TSPAN3: variants seen among roughly 807,000 people sequenced by gnomAD.
TSPAN3 encodes the protein tetraspanin-3.
TSPAN3 carries 9 observed loss-of-function variants against 31.1 expected under a neutral mutation model. The observed-to-expected ratio is 0.29, with a 90% confidence interval of 0.17 to 0.50. TSPAN3 has a LOEUF of 0.50. TSPAN3 is among the 20% of genes least tolerant of loss of function. The probability of loss-of-function intolerance (pLI) is 0.98; values close to 1 mark genes in which losing one functional copy is unlikely to be tolerated. For synonymous variants in TSPAN3, 129 were observed against 114.3 expected (o/e 1.13, Z -0.82); for missense variants, 252 against 313.5 (o/e 0.80, Z 1.48).
intron 4 of TSPAN3, among the ~76,000 whole-genome samples, chr15:77,053,450 T>C (rs1401728302): frequency 6.4e-5 from 1 of 15,512 alleles, no homozygotes; most frequent in Non-Finnish European, 1.1e-4. Flanking sequence ...TTTCGCCATC[T>C]CAAAAAAAAA....
intron 1 of TSPAN3, among the ~76,000 whole-genome samples, chr15:77,070,592 A>AG (rs1432030650): frequency 2.8e-5 from 4 of 144,570 alleles, no homozygotes; most frequent in Non-Finnish European, 6.2e-5. Context: ...CGGGGGGGGG[A>AG]GACTGGGGCG....
intron 1 of TSPAN3, among the ~76,000 whole-genome samples, chr15:77,056,876 T>C (rs960430890): frequency 2.6e-5 from 4 of 152,144 alleles, no homozygotes; most frequent in African/African-American, 9.7e-5. Flanking sequence ...TTCTCAAACT[T>C]TGAAGTGAAT....
rs1294267970 is a variant in TSPAN3, at chr15:77,068,783, T to C, written c.63+2109A>G. Among the ~76,000 whole-genome samples, 8 of 152,244 alleles carry C rather than the reference T, an allele frequency of 5.3e-5. No homozygotes were observed. In the South Asian group the frequency reaches 1.7e-3, roughly 31 times the overall value. On this transcript the variant is annotated intron_variant, in intron 1 of 6. Transcript: ENST00000267970. ...CAGTTTGTTGAGGATGATGGCTTCC[T>C]GCTCCATCCATGTCCCTGTAAAGGA...
At chr15:77,048,252 T>C (rs538599227) in intron 6 of TSPAN3, among the ~76,000 whole-genome samples, 1 of 152,280 alleles carries the variant, frequency 6.6e-6, no homozygotes, top group Non-Finnish European at 1.5e-5. Flanking sequence ...CATCAAAACA[T>C]TGTTAGAACA....
At chr15:77,062,871 C>T (rs978858181) in intron 1 of TSPAN3, among the ~76,000 whole-genome samples, 6 of 152,116 alleles carry the variant, frequency 3.9e-5, no homozygotes, top group Admixed American at 3.3e-4. Flanking sequence ...TAATAATATG[C>T]TTGTGGTGTG....
rs79379241 is a variant in TSPAN3 at position 77,069,358 on chromosome 15, C to A, written c.63+1534G>T. On this transcript the variant is annotated intron_variant, in intron 1 of 6. Coordinates refer to ENST00000267970, the MANE Select transcript of TSPAN3 (RefSeq NM_005724.6). ...GTCAGATTCACAAATCATGCCACAT[C>A]TACAAAGAGAAGACTGATACGACTT... Among the ~76,000 whole-genome samples the A allele has an allele frequency of 3.6e-3, 542 of 152,272 alleles. 5 individuals carry two copies. The highest frequency in any genetic ancestry group is 0.012 in the African/African-American group (518 of 41,554).
In TSPAN3 at chr15:77,046,579, C is replaced by T. The variant is rs2076692667; in HGVS notation, c.*256G>A. On this transcript the variant is annotated 3_prime_UTR_variant, in exon 7 of 7. Coordinates refer to ENST00000267970, the MANE Select transcript of TSPAN3 (RefSeq NM_005724.6). Reference sequence around the variant, plus strand: ...TTTAATTCTACCACACTACATGACTCGCAATTGGTTCTGAAATTAGAACGT... The same window carrying T: ...TTTAATTCTACCACACTACATGACTTGCAATTGGTTCTGAAATTAGAACGT... 3 of 524,574 alleles carry T rather than the reference C, an allele frequency of 5.7e-6. No individual in the cohort carries two copies. Among genetic ancestry groups the T allele is most frequent in the South Asian group, 3.1e-5 (1 of 32,678 alleles). 32.5% of individuals were successfully genotyped at this position (524,574 alleles called of 1,614,324 possible).
intron 1 of TSPAN3, among the ~76,000 whole-genome samples, chr15:77,069,325 T>C (rs1056426213): frequency 6.6e-6 from 1 of 152,184 alleles, no homozygotes; most frequent in Non-Finnish European, 1.5e-5. Context: ...AAAGATGCCC[T>C]TATAATGGTC....
chr15:77,056,388 A>G (rs1321817164), intron 1 of TSPAN3, 133 bp from the exon 2 acceptor site: 1 of 627,264 alleles, frequency 1.6e-6, no homozygotes, highest in Non-Finnish European at 2.5e-6. Context: ...TGAAAATTCT[A>G]TGATTCCTTG....
At position 77,070,966 on chromosome 15, in the gene TSPAN3, C is replaced by T. The variant is rs1476806680; in HGVS notation, c.-12G>A. 2 of 1,423,420 alleles carry T rather than the reference C, an allele frequency of 1.4e-6. No individual in the cohort carries two copies. Among genetic ancestry groups the T allele is most frequent in the Non-Finnish European group, 1.8e-6 (2 of 1,081,498 alleles). The allele number at this position is 1,423,420 out of a possible 1,614,324, so 88.2% of individuals were successfully genotyped here. A position where few individuals can be genotyped will look rare whatever the true frequency, so the allele number is the denominator to read the frequency against. On this transcript the variant is annotated 5_prime_UTR_variant, in exon 1 of 7. Transcript: ENST00000267970. The stretch of plus-strand genomic sequence containing the variant: ...CCGCACTGGCCCATGGCGCCGGTGG[C>T]CCGCGAAGGCCCGGCCCGGAGAGCG...
rs1243401843 is a variant in TSPAN3 at position 77,055,731 on chromosome 15, AC to A, written c.330+57del. The A allele has an allele frequency of 2.3e-6, 3 of 1,327,218 alleles. No individual in the cohort carries two copies. In the African/African-American group the frequency reaches 4.4e-5, roughly 20 times the overall value. 82.2% of individuals were successfully genotyped at this position (1,327,218 alleles called of 1,614,324 possible). A position where few individuals can be genotyped will look rare whatever the true frequency, so the allele number is the denominator to read the frequency against. The stretch of plus-strand genomic sequence containing the variant: ...TGATAAAATGAATGTGTTCTATTTT[AC>A]TTGAAACACTTAAACCACCTTTTAA... On this transcript the variant is annotated intron_variant, in intron 3 of 6. Transcript: ENST00000267970.
In TSPAN3 at chr15:77,046,120, T is replaced by C. The variant is rs748825466; in HGVS notation, c.*715A>G. On this transcript the variant is annotated 3_prime_UTR_variant, in exon 7 of 7. Coordinates refer to ENST00000267970, the MANE Select transcript of TSPAN3 (RefSeq NM_005724.6). ...TATTTTGCTAGTCTACATGGGTACA[T>C]TATTTCCAACAAGCTTAAGACTTAC... is the stretch of plus-strand genomic sequence containing the variant. 4.8e-5 allele frequency: 15 copies of C among 309,584 alleles called. No homozygotes were observed. The highest frequency in any genetic ancestry group is 1.6e-4 in the South Asian group (1 of 6,272). The allele number at this position is 309,584 out of a possible 1,614,324, so 19.2% of individuals were successfully genotyped here. A position where few individuals can be genotyped will look rare whatever the true frequency, so the allele number is the denominator to read the frequency against.
chr15:77,058,981 CT>C (rs1321133578), intron 1 of TSPAN3, among the ~76,000 whole-genome samples: 1 of 152,206 alleles, frequency 6.6e-6, no homozygotes, highest in Non-Finnish European at 1.5e-5. Flanking sequence ...TCAGAGTTCA[CT>C]GACATATTTG....
rs1335278699 is a variant in TSPAN3 at position 77,044,031 on chromosome 15, G to A, written c.*2804C>T. 6.6e-6 allele frequency: 1 copy of A among 152,196 alleles called. No individual in the cohort carries two copies. The highest frequency in any genetic ancestry group is 1.5e-5 in the Non-Finnish European group (1 of 68,036). The allele number at this position is 152,196 out of a possible 1,614,324, so 9.4% of individuals were successfully genotyped here. Reference sequence around the variant, plus strand: ...GGCAAAGGATATTTGAGCCTCATTTGTACAGTTTTTATTCTTGCAACTTTT... The same window carrying A: ...GGCAAAGGATATTTGAGCCTCATTTATACAGTTTTTATTCTTGCAACTTTT... On this transcript the variant is annotated 3_prime_UTR_variant, in exon 7 of 7. Transcript: ENST00000267970.
In TSPAN3 at chr15:77,042,873, C is replaced by T. The variant is rs2076667721; in HGVS notation, c.*3962G>A. 6.6e-6 allele frequency: 1 copy of T among 152,078 alleles called. No homozygotes were observed. Among genetic ancestry groups the T allele is most frequent in the African/African-American group, 2.4e-5 (1 of 41,392 alleles). 9.4% of individuals were successfully genotyped at this position (152,078 alleles called of 1,614,324 possible). A position where few individuals can be genotyped will look rare whatever the true frequency, so the allele number is the denominator to read the frequency against. On this transcript the variant is annotated 3_prime_UTR_variant, in exon 7 of 7. Coordinates refer to ENST00000267970, the MANE Select transcript of TSPAN3 (RefSeq NM_005724.6). ...GTAACCATGCTATGGAGAAAGTGGA[C>T]ACACCTCGACTAGGTGTGCCAGGTA...
chr15:77,059,318 G>A (rs563345598), intron 1 of TSPAN3, among the ~76,000 whole-genome samples: 11 of 152,164 alleles, frequency 7.2e-5, no homozygotes, highest in Non-Finnish European at 1.5e-4. Context: ...TCCTGACCTC[G>A]TGATCCGCCC....
chr15:77,052,500 T>A, intron 5 of TSPAN3, 32 bp from the exon 6 acceptor site: 1 of 1,601,430 alleles, frequency 6.2e-7, no homozygotes, highest in South Asian at 1.1e-5. Context: ...TCGTTAGAAG[T>A]GTTCTTTAAA....
At chr15:77,063,741 G>A (rs900519098) in intron 1 of TSPAN3, 2 of 151,950 alleles carry the variant, frequency 1.3e-5, no homozygotes, top group Non-Finnish European at 2.9e-5. Flanking sequence ...AATATCTACT[G>A]GCTGAACAAC....
intron 1 of TSPAN3, among the ~76,000 whole-genome samples, chr15:77,066,319 C>T (rs930273849): frequency 6.6e-6 from 1 of 152,106 alleles, no homozygotes; most frequent in South Asian, 2.1e-4. Flanking sequence ...CGCCTGTAAT[C>T]CTAGCACTTT....
Sources: gnomAD v4.1 joint callset for allele counts (sites outside exome capture counted in the v4.1 genomes callset) on GRCh38, gnomAD v4.1.1 for gene constraint, MANE v1.5 for transcripts, NCBI Gene and HGNC (gene_info 2026-07-23, HGNC 2026-07-21) for gene names.